Variants in SMC5 observed in about 807,000 individuals in gnomAD.
SMC5 encodes structural maintenance of chromosomes protein 5.
A neutral mutation model predicts 148.3 loss-of-function variants in SMC5; 88 were observed. The ratio of observed to expected loss-of-function variants is 0.59; its 90% confidence interval spans 0.50 to 0.71. The LOEUF is 0.71. Among genes scored for constraint, SMC5 ranks in the 30% least tolerant of loss-of-function variants. SMC5 has a pLI of 0.00. For missense variants in SMC5, 1,142 were observed against 1,298.9 expected, an observed-to-expected ratio of 0.88 and a Z score of 1.86; for synonymous variants, 421 against 432.8, an observed-to-expected ratio of 0.97 and a Z score of 0.34.
Position 70,353,552 on chromosome 9 carries a change from C to T in SMC5, c.*1221C>T, listed in dbSNP as rs1196263015. On this transcript the variant is annotated 3_prime_UTR_variant, in exon 25 of 25. Coordinates refer to ENST00000361138, the MANE Select transcript of SMC5 (RefSeq NM_015110.4). ...AAAATTATTTTTTTGACTTGCTTGC[C>T]TGAATAAATTGAAGAATTGCTTTCA... The T allele has an allele frequency of 1.3e-5, 2 of 152,008 alleles. No homozygotes were observed. Among genetic ancestry groups the T allele is most frequent in the African/African-American group, 4.8e-5 (2 of 41,394 alleles). 9.4% of individuals were successfully genotyped at this position (152,008 alleles called of 1,614,324 possible). A position where few individuals can be genotyped will look rare whatever the true frequency, so the allele number is the denominator to read the frequency against.
Position 70,295,326 on chromosome 9 carries a change from C to G in SMC5, c.1054-2640C>G, listed in dbSNP as rs573710863. 2.0e-5 allele frequency among the ~76,000 whole-genome samples: 3 copies of G among 151,888 alleles called. No individual in the cohort carries two copies. In the South Asian group the frequency reaches 6.3e-4, roughly 32 times the overall value. On this transcript the variant is annotated intron_variant, in intron 8 of 24. Coordinates refer to ENST00000361138, the MANE Select transcript of SMC5 (RefSeq NM_015110.4). ...TAAAAAAAAAAATACAAAAAATTAG[C>G]CGGGCGTGGTGGCGGGTGCCTGTAG...
At chr9:70,321,036 A>G (rs1168607887) in intron 15 of SMC5, among the ~76,000 whole-genome samples, 2 of 152,208 alleles carry the variant, frequency 1.3e-5, no homozygotes, top group East Asian at 1.9e-4. Flanking sequence ...TTTTTAACTC[A>G]CAGACTCCTG....
intron 10 of SMC5, among the ~76,000 whole-genome samples, chr9:70,304,732 T>C (rs931275534): frequency 6.6e-6 from 1 of 151,442 alleles, no homozygotes; most frequent in Non-Finnish European, 1.5e-5. Context: ...AAGATTATGT[T>C]CTGATGTTGC....
At position 70,280,744 on chromosome 9, in the gene SMC5, A is replaced by T; in HGVS notation, c.679-15A>T. On this transcript the variant is annotated splice_polypyrimidine_tract_variant and intron_variant, in intron 5 of 24. Transcript: ENST00000361138. Reference sequence around the variant, plus strand: ...TTTTCTGTCAAACTGATTGTTCAACATATATTTATTGTAGACCTCATGCAA... The same window carrying T: ...TTTTCTGTCAAACTGATTGTTCAACTTATATTTATTGTAGACCTCATGCAA... The T allele has an allele frequency of 6.3e-7, 1 of 1,599,636 alleles. No homozygotes were observed. Among genetic ancestry groups the T allele is most frequent in the Non-Finnish European group, 8.5e-7 (1 of 1,176,098 alleles).
intron 17 of SMC5, 66 bp from the exon 18 acceptor site, chr9:70,344,063 ATTTAATATGTGGTAG>A: frequency 3.8e-6 from 3 of 781,598 alleles, no homozygotes; most frequent in Non-Finnish European, 5.5e-6. Context: ...ATTCAACAAT[ATTTAATATGTGGTAG>A]TTTAATAAAA....
intron 5 of SMC5, among the ~76,000 whole-genome samples, chr9:70,279,812 C>T (rs1032619808): frequency 3.0e-5 from 4 of 131,932 alleles, no homozygotes; most frequent in South Asian, 2.4e-4. Context: ...AGCAAAACTC[C>T]GTTTCAAAAA....
chr9:70,286,136 A>G (rs1020022602), intron 7 of SMC5, 64 bp from the exon 8 acceptor site: 4 of 965,810 alleles, frequency 4.1e-6, no homozygotes, highest in African/African-American at 1.6e-5. Context: ...GGGCAGGGCC[A>G]TATAATTTGC....
At position 70,353,117 on chromosome 9, in the gene SMC5, C is replaced by G. The variant is rs2036840912; in HGVS notation, c.*786C>G. 1 of 151,642 alleles carries G rather than the reference C, an allele frequency of 6.6e-6. No homozygotes were observed. The highest frequency in any genetic ancestry group is 6.6e-5 in the Admixed American group (1 of 15,208). 9.4% of individuals were successfully genotyped at this position (151,642 alleles called of 1,614,324 possible). A position where few individuals can be genotyped will look rare whatever the true frequency, so the allele number is the denominator to read the frequency against. ...TGCTTTTTTTTATTTTATTTAAAGT[C>G]AATTATATTTTACATCTTACATTTC... On this transcript the variant is annotated 3_prime_UTR_variant, in exon 25 of 25. Transcript: ENST00000361138.
At chr9:70,302,027 CAGAGGGAACA>C (rs1469895454) in intron 10 of SMC5, among the ~76,000 whole-genome samples, 1 of 152,182 alleles carries the variant, frequency 6.6e-6, no homozygotes, top group Admixed American at 6.5e-5. Flanking sequence ...AACTCACAAA[CAGAGGGAACA>C]TCCCAAGAAA....
rs2036831276 is a variant in SMC5 at position 70,352,657 on chromosome 9, A to T, written c.*326A>T. On this transcript the variant is annotated 3_prime_UTR_variant, in exon 25 of 25. Transcript: ENST00000361138. ...GGGTTAATCACAAGAAGTTACTTAT[A>T]TGGTAGCCCTGAGCTTTAATTGCAG... 2 of 199,114 alleles carry T rather than the reference A, an allele frequency of 1.0e-5. No homozygotes were observed. Among genetic ancestry groups the T allele is most frequent in the African/African-American group, 4.6e-5 (2 of 43,094 alleles). The allele number at this position is 199,114 out of a possible 1,614,324, so 12.3% of individuals were successfully genotyped here. A position where few individuals can be genotyped will look rare whatever the true frequency, so the allele number is the denominator to read the frequency against.
intron 13 of SMC5, among the ~76,000 whole-genome samples, chr9:70,315,958 ATTATACT>A (rs1210151535): frequency 2.6e-5 from 4 of 152,192 alleles, no homozygotes; most frequent in East Asian, 1.9e-4. Flanking sequence ...TTTAAGACAA[ATTATACT>A]TTAGAATGGT....
intron 17 of SMC5, among the ~76,000 whole-genome samples, chr9:70,331,264 G>A (rs2036210947): frequency 6.6e-6 from 1 of 152,074 alleles, no homozygotes; most frequent in Non-Finnish European, 1.5e-5. Context: ...TACTTTATTA[G>A]ACAGTACAGT....
intron 3 of SMC5, among the ~76,000 whole-genome samples, chr9:70,272,769 A>C (rs575223390): frequency 4.6e-5 from 7 of 152,304 alleles, no homozygotes; most frequent in African/African-American, 1.7e-4. Context: ...AACATAGGGA[A>C]AACTAGGAAA....
intron 20 of SMC5, 138 bp from the exon 21 acceptor site, chr9:70,347,475 A>G (rs575464196): frequency 1.3e-4 from 75 of 567,976 alleles, no homozygotes; most frequent in African/African-American, 1.3e-3. Context: ...TCAGTATGTA[A>G]TAAGAGCATA....
chr9:70,280,991 G>T (rs1039279854), intron 6 of SMC5, 92 bp downstream of exon 6: 13 of 1,420,226 alleles, frequency 9.2e-6, no homozygotes, highest in Non-Finnish European at 1.3e-5. Flanking sequence ...TTCAAGTTAG[G>T]TGCTTCTTTT....
At position 70,262,441 on chromosome 9, in the gene SMC5, A is replaced by G. The variant is rs561635544; in HGVS notation, c.186-1863A>G. Among the ~76,000 whole-genome samples, 4 of 152,306 alleles carry G rather than the reference A, an allele frequency of 2.6e-5. No homozygotes were observed. In the South Asian group the frequency reaches 8.3e-4, roughly 32 times the overall value. On this transcript the variant is annotated intron_variant, in intron 1 of 24. Transcript: ENST00000361138. ...GCATCACTTGGTGATTGATTGGATG[A>G]TGGAGTGGTGGTTTGGGTGGAGTCA...
Position 70,350,797 on chromosome 9 carries a change from T to A in SMC5, c.3165+326T>A, listed in dbSNP as rs116598283. On this transcript the variant is annotated intron_variant, in intron 24 of 24. Transcript: ENST00000361138. Reference sequence around the variant, plus strand: ...CTCTTCATTTTCCCAAAAAAGCCTCTCTTGTCATATACTGCCCTTCCTCTT... The same window carrying A: ...CTCTTCATTTTCCCAAAAAAGCCTCACTTGTCATATACTGCCCTTCCTCTT... Among the ~76,000 whole-genome samples the A allele has an allele frequency of 3.9e-3, 598 of 152,318 alleles. 3 individuals are homozygous for A. The highest frequency in any genetic ancestry group is 0.013 in the African/African-American group (553 of 41,568).
intron 10 of SMC5, among the ~76,000 whole-genome samples, chr9:70,300,502 A>C (rs1057059819): frequency 1.3e-5 from 2 of 152,126 alleles, no homozygotes; most frequent in Non-Finnish European, 2.9e-5. Context: ...ACTAGATTGT[A>C]GCAGGGATTA....
Position 70,282,506 on chromosome 9 carries a change from G to T in SMC5, c.904G>T (p.Gly302Trp). The part of the protein sequence containing the change: ...VKEEVRKLKE[G>W]QIPVTCRIEE... ...GGAAGAGGTCAGAAAACTTAAAGAA[G>T]GGCAGATTCCTGTAACATGTCGAAT... Residue 302 changes from glycine (G) to tryptophan (W), a missense_variant, in exon 7 of 25, where the codon GGG (glycine) becomes TGG (tryptophan). Physicochemically the swap from Gly to Trp is radical, Grantham distance 184. This residue lies in a region of SMC5 where 743 missense variants were observed against 835.7 expected (regional missense o/e 0.89). Transcript: ENST00000361138. The T allele has an allele frequency of 6.2e-7, 1 of 1,608,804 alleles. No homozygotes were observed. Among genetic ancestry groups the T allele is most frequent in the Non-Finnish European group, 8.5e-7 (1 of 1,178,206 alleles).
Sources: allele counts gnomAD v4.1 joint callset (sites outside exome capture counted in the v4.1 genomes callset), GRCh38; gene constraint gnomAD v4.1.1; regional missense constraint gnomAD v4.1.1; transcripts MANE v1.5; gene names NCBI Gene and HGNC (gene_info 2026-07-23, HGNC 2026-07-21).